The following IZUMO4 variants were observed in gnomAD, a reference collection of about 807,000 sequenced individuals.
The protein encoded by IZUMO4 is izumo sperm-egg fusion protein 4.
IZUMO4 carries 51 observed loss-of-function variants against 37.1 expected under a neutral mutation model. The observed-to-expected ratio is 1.38, with a 90% CI of 1.10 to 1.74. IZUMO4 has a LOEUF of 1.74. Among genes scored for constraint, IZUMO4 ranks in the 40% most tolerant of loss-of-function variants. The pLI, the probability that IZUMO4 is intolerant of heterozygous loss-of-function variation, is 0.00. For missense variants in IZUMO4, 364 were observed against 299.6 expected (o/e 1.21, Z -1.59); for synonymous variants, 162 against 121.4 (o/e 1.33, Z -2.20).
intron 8 of IZUMO4, 43 bp downstream of exon 8, chr19:2,098,847 G>A (rs572276929): frequency 1.9e-6 from 3 of 1,582,282 alleles, no homozygotes; most frequent in African/African-American, 3.0e-5. Flanking sequence ...GGGGGTAAAG[G>A]GAGAGAGGAG....
chr19:2,097,846 C>T (rs545069494), intron 3 of IZUMO4, 83 bp from the exon 4 acceptor site: 25 of 1,557,124 alleles, frequency 1.6e-5, no homozygotes, highest in East Asian at 2.3e-5. Flanking sequence ...GGGACAGGCC[C>T]TGAGGCTTTG....
At position 2,097,333 on chromosome 19, in the gene IZUMO4, G is replaced by GT; in HGVS notation, c.298+2dup. The stretch of plus-strand genomic sequence containing the variant: ...TACCAGGGGAAGATGTACTTCCCCG[G>GT]TAAGGGGCGCGAAACCGAGGCGGGG... On this transcript the variant is annotated splice_donor_variant, in intron 2 of 9. Coordinates refer to ENST00000395301, the MANE Select transcript of IZUMO4 (RefSeq NM_001039846.2). LOFTEE classifies it high-confidence loss of function. 1 of 1,612,664 alleles carries GT rather than the reference G, an allele frequency of 6.2e-7. No homozygotes were observed. The highest frequency in any genetic ancestry group is 8.5e-7 in the Non-Finnish European group (1 of 1,179,812).
chr19:2,097,380 C>A, intron 2 of IZUMO4, 44 bp from the exon 3 acceptor site: 1 of 1,607,686 alleles, frequency 6.2e-7, no homozygotes, highest in Non-Finnish European at 8.5e-7. Context: ...CGGGACACCC[C>A]GCCCACCGCC....
At chr19:2,098,635 G>A (rs1568263915) in intron 7 of IZUMO4, 152 bp from the exon 8 acceptor site, 5 of 1,558,770 alleles carry the variant, frequency 3.2e-6, no homozygotes, top group East Asian at 2.3e-5. Flanking sequence ...AAAGGTCTCC[G>A]ACCCTCAGCT....
chr19:2,098,859 G>C (rs529829751), intron 8 of IZUMO4, 55 bp downstream of exon 8: 24 of 1,562,654 alleles, frequency 1.5e-5, no homozygotes, highest in Non-Finnish European at 2.0e-5. Flanking sequence ...AGAGAGGAGG[G>C]GGGCTAGGGG....
chr19:2,096,944 G>T lies in IZUMO4; in HGVS notation c.-2G>T, dbSNP rs768395715. Reference sequence around the variant, plus strand: ...GTTGGCCGGCGGCGGGCCGGGACGGGCATGGCCCTGCTGCTGTGCCTGGTG... The same window carrying T: ...GTTGGCCGGCGGCGGGCCGGGACGGTCATGGCCCTGCTGCTGTGCCTGGTG... On this transcript the variant is annotated 5_prime_UTR_variant, in exon 1 of 10. Transcript: ENST00000395301. 7 of 1,603,174 alleles carry T rather than the reference G, an allele frequency of 4.4e-6. 1 individual carries two copies. The African/African-American group carries it at 6.7e-5, about 15-fold the overall frequency.
At chr19:2,097,782 C>T (rs1039435254) in intron 3 of IZUMO4, 147 bp from the exon 4 acceptor site, 52 of 1,033,546 alleles carry the variant, frequency 5.0e-5, no homozygotes, top group South Asian at 2.2e-4. Context: ...CCCTTCCCTC[C>T]GGGCCATGGA....
intron 7 of IZUMO4, 70 bp downstream of exon 7, chr19:2,098,520 G>A (rs1045505623): frequency 1.1e-5 from 17 of 1,610,248 alleles, no homozygotes; most frequent in African/African-American, 4.0e-5. Flanking sequence ...GTATGTGTGG[G>A]GCACAGGCTG....
intron 4 of IZUMO4, 34 bp downstream of exon 4, chr19:2,097,989 C>T (rs748131617): frequency 1.9e-6 from 3 of 1,613,184 alleles, no homozygotes; most frequent in Non-Finnish European, 2.5e-6. Context: ...GAGGGGCGTG[C>T]CGGTGGCAGC....
rs568853156 is a variant in IZUMO4, at chr19:2,097,705, C to T, written c.370+210C>T. The T allele has an allele frequency of 1.0e-5, 7 of 687,066 alleles. No individual in the cohort carries two copies. The East Asian group carries it at 1.9e-4, about 18-fold the overall frequency. The allele number at this position is 687,066 out of a possible 1,614,324, so 42.6% of individuals were successfully genotyped here. A position where few individuals can be genotyped will look rare whatever the true frequency, so the allele number is the denominator to read the frequency against. ...CTCCCCTAAGTAGCCCCCAGAGGCG[C>T]TGGGAGTGTTGCCACCGCCCTCCCC... On this transcript the variant is annotated intron_variant, in intron 3 of 9. Coordinates refer to ENST00000395301, the MANE Select transcript of IZUMO4 (RefSeq NM_001039846.2).
Position 2,098,805 on chromosome 19 carries a change from G to A in IZUMO4, c.554+1G>A. 6.3e-7 allele frequency: 1 copy of A among 1,599,934 alleles called. No homozygotes were observed. Among genetic ancestry groups the A allele is most frequent in the East Asian group, 2.2e-5 (1 of 44,732 alleles). ...CTTTCAGACAGGACACGAGCATGAG[G>A]TAAGGCCGCCCTGACCTGGACTTCA... On this transcript the variant is annotated splice_donor_variant, in intron 8 of 9. Coordinates refer to ENST00000395301, the MANE Select transcript of IZUMO4 (RefSeq NM_001039846.2). LOFTEE classifies it high-confidence loss of function.
In IZUMO4 at chr19:2,098,990, C is replaced by A. The variant is rs1035068880; in HGVS notation, c.569C>A (p.Ala190Asp). 5 of 1,613,188 alleles carry A rather than the reference C, an allele frequency of 3.1e-6. No individual in the cohort carries two copies. Among genetic ancestry groups the A allele is most frequent in the Non-Finnish European group, 4.2e-6 (5 of 1,179,974 alleles). ...QDTSMRPRSS[A>D]FSWPGTHRAT... ...TTCATGAACAGACCACGCTCCTCTG[C>A]CTTCTCCTGGCCTGGGACACACAGA... Residue 190 changes from alanine to aspartate, a missense_variant, in exon 9 of 10, where the codon GCC becomes GAC. Transcript: ENST00000395301.
At position 2,098,312 on chromosome 19, in the gene IZUMO4, G is replaced by C; in HGVS notation, c.499G>C (p.Val167Leu). Reference protein sequence around the residue: ...CESSAQWKSAVQGLLNYINNW... With the variant: ...CESSAQWKSALQGLLNYINNW... ...GTCCTCGGCGCAGTGGAAGTCAGCT[G>C]TCCAGGGCCTCCTGAACTACATGTG... is the stretch of plus-strand genomic sequence containing the variant. The change falls in exon 6 of 10, where the codon GTC becomes CTC. Residue 167 changes from valine to leucine, a missense_variant. Coordinates refer to ENST00000395301, the MANE Select transcript of IZUMO4 (RefSeq NM_001039846.2). 1.9e-6 allele frequency: 3 copies of C among 1,613,976 alleles called. No homozygotes were observed. The highest frequency in any genetic ancestry group is 1.3e-5 in the African/African-American group (1 of 75,070).
chr19:2,098,311 T>C lies in IZUMO4; in HGVS notation c.498T>C (p.Ala166=). The change falls in exon 6 of 10, where the codon GCT becomes GCC. Residue 166 remains alanine, a synonymous_variant. Transcript: ENST00000395301. ...NCESSAQWKS[A]VQGLLNYINN... ...GGTCCTCGGCGCAGTGGAAGTCAGCTGTCCAGGGCCTCCTGAACTACATGT... is the reference window on the plus strand; with the variant it reads ...GGTCCTCGGCGCAGTGGAAGTCAGCCGTCCAGGGCCTCCTGAACTACATGT... 6.2e-7 allele frequency: 1 copy of C among 1,613,968 alleles called. No homozygotes were observed. The highest frequency in any genetic ancestry group is 8.5e-7 in the Non-Finnish European group (1 of 1,180,022).
chr19:2,098,052 G>C lies in IZUMO4; in HGVS notation c.398G>C (p.Gly133Ala). The C allele has an allele frequency of 6.2e-7, 1 of 1,613,360 alleles. No homozygotes were observed. The highest frequency in any genetic ancestry group is 1.1e-5 in the South Asian group (1 of 91,088). The change falls in exon 5 of 10, where the codon GGC becomes GCC. Residue 133 changes from glycine to alanine, a missense_variant and splice_region_variant. By Grantham distance (60) the Gly-to-Ala change is moderately conservative. Transcript: ENST00000395301. ...CTGGCGGCTCTTGTACGTGTTTCAGGCATCTTCCAGTACGAGACCATCTCC... is the reference window on the plus strand; with the variant it reads ...CTGGCGGCTCTTGTACGTGTTTCAGCCATCTTCCAGTACGAGACCATCTCC... ...ESRIDCQHRC[G>A]IFQYETISCN...
At position 2,099,368 on chromosome 19, in the gene IZUMO4, G is replaced by T. The variant is rs768928953; in HGVS notation, c.*23G>T. ...TGACAGCAGCTGGGCCTGCCCCAGG[G>T]CAACGTGGGGGCGGAGACTCAGCTG... On this transcript the variant is annotated 3_prime_UTR_variant, in exon 10 of 10. Transcript: ENST00000395301. The T allele has an allele frequency of 6.4e-7, 1 of 1,551,068 alleles. No individual in the cohort carries two copies. The highest frequency in any genetic ancestry group is 8.8e-7 in the Non-Finnish European group (1 of 1,132,516).
In IZUMO4 at chr19:2,097,966, C is replaced by A. The variant is rs200943954; in HGVS notation, c.397+11C>A. ...GTCAGCACCGCTGTGGTAAGCAAGG[C>A]TCCGTCCAGGCTGAGGGGCGTGCCG... is the stretch of plus-strand genomic sequence containing the variant. On this transcript the variant is annotated intron_variant, in intron 4 of 9. Transcript: ENST00000395301. 3.1e-6 allele frequency: 5 copies of A among 1,613,238 alleles called. No individual in the cohort carries two copies. In the East Asian group the frequency reaches 6.7e-5, roughly 22 times the overall value.
In IZUMO4 at chr19:2,098,279, T is replaced by C. The variant is rs1303995806; in HGVS notation, c.474-8T>C. The C allele has an allele frequency of 6.2e-7, 1 of 1,613,800 alleles. No individual in the cohort carries two copies. The highest frequency in any genetic ancestry group is 8.5e-7 in the Non-Finnish European group (1 of 1,180,006). Reference sequence around the variant, plus strand: ...GGGGCGCACCACTTCCAAGCCTGTGTCCCACAGGTCCTCGGCGCAGTGGAA... The same window carrying C: ...GGGGCGCACCACTTCCAAGCCTGTGCCCCACAGGTCCTCGGCGCAGTGGAA... On this transcript the variant is annotated splice_region_variant and splice_polypyrimidine_tract_variant and intron_variant, in intron 5 of 9. Transcript: ENST00000395301.
At chr19:2,099,102 C>T (rs564467111) in intron 9 of IZUMO4, 73 bp downstream of exon 9, 34 of 1,460,324 alleles carry the variant, frequency 2.3e-5, no homozygotes, top group African/African-American at 8.4e-5. Flanking sequence ...CCGCGGCCTG[C>T]ACACCCTGCT....
Sources: gnomAD v4.1 joint callset for allele counts on GRCh38, gnomAD v4.1.1 for gene constraint, MANE v1.5 for transcripts, NCBI Gene and HGNC (gene_info 2026-07-23, HGNC 2026-07-21) for gene names.